Variants in OR1J2 observed in about 807,000 individuals in gnomAD.
The protein encoded by OR1J2 is olfactory receptor 1J2.
For synonymous variants in OR1J2, 142 were observed against 99.7 expected (o/e 1.42, Z -2.52); for missense variants, 304 against 246.1 (o/e 1.24, Z -1.57).
chr9:122,487,021 C>T, the OR1J2 span, among the ~76,000 whole-genome samples: 6 of 151,824 alleles, frequency 4.0e-5, no homozygotes, highest in East Asian at 1.9e-4. Context: ...GTAAATTTCT[C>T]GGGGTCCCAG....
At chr9:122,552,915 C>T in the OR1J2 span, among the ~76,000 whole-genome samples, 1 of 151,954 alleles carries the variant, frequency 6.6e-6, no homozygotes, top group South Asian at 2.1e-4. Flanking sequence ...TCTAAATAGC[C>T]CATGCCAATT....
the OR1J2 span, among the ~76,000 whole-genome samples, chr9:122,530,141 G>A: frequency 6.6e-6 from 1 of 152,168 alleles, no homozygotes; most frequent in Non-Finnish European, 1.5e-5. Flanking sequence ...TCCATGAGAT[G>A]AATAAAGGAC....
At chr9:122,521,805 A>G in the OR1J2 span, among the ~76,000 whole-genome samples, 2 of 152,346 alleles carry the variant, frequency 1.3e-5, no homozygotes, top group East Asian at 3.9e-4. Context: ...TCTGTTGTTC[A>G]GATCCCTGAA....
the OR1J2 span, among the ~76,000 whole-genome samples, chr9:122,499,232 G>T: frequency 6.6e-6 from 1 of 152,234 alleles, no homozygotes; most frequent in African/African-American, 2.4e-5. Flanking sequence ...TGGCCACCAG[G>T]ATCCCAGAGG....
the OR1J2 span, chr9:122,520,114 C>T: frequency 0.47 from 709,147 of 1,499,652 alleles, 172,517 homozygotes; most frequent in African/African-American, 0.72. Context: ...GACATATGTA[C>T]TGACCTATTT....
At chr9:122,528,014 T>G in the OR1J2 span, among the ~76,000 whole-genome samples, 1 of 152,192 alleles carries the variant, frequency 6.6e-6, no homozygotes, top group Non-Finnish European at 1.5e-5. Flanking sequence ...CCAGAGCTCA[T>G]AAATATTTGA....
chr9:122,488,945 G>A, the OR1J2 span, among the ~76,000 whole-genome samples: 1 of 152,024 alleles, frequency 6.6e-6, no homozygotes, highest in Non-Finnish European at 1.5e-5. Flanking sequence ...ATGGTGGTTT[G>A]CTGCACCCAT....
the OR1J2 span, among the ~76,000 whole-genome samples, chr9:122,505,688 T>C: frequency 6.4e-4 from 98 of 152,160 alleles, no homozygotes; most frequent in African/African-American, 2.2e-3. Context: ...CCCTATATAT[T>C]TCACCCCTAA....
chr9:122,523,948 C>A, the OR1J2 span, among the ~76,000 whole-genome samples: 1 of 152,284 alleles, frequency 6.6e-6, no homozygotes, highest in East Asian at 1.9e-4. Flanking sequence ...TTATAAGTCA[C>A]CTGTATGTCA....
rs111736463 is a variant in OR1J2, at chr9:122,511,140, C to T, written c.339C>T (p.Phe113=). 1,208 of 784,346 alleles carry T rather than the reference C, an allele frequency of 1.5e-3. 10 individuals carry two copies. In the African/African-American group the frequency reaches 0.018, roughly 12 times the overall value. 48.6% of individuals were successfully genotyped at this position (784,346 alleles called of 1,614,324 possible). Residue 113 remains phenylalanine, a synonymous_variant, in exon 1 of 1, where the codon TTC becomes TTT. Coordinates refer to ENST00000335302, the MANE Select transcript of OR1J2 (RefSeq NM_054107.1). The part of the protein sequence containing the change: ...FFIFFTDLDS[F]LITSMAYDRY... ...TATTTTTTACTGACCTGGACAGCTT[C>T]CTTATTACATCAATGGCATATGACC...
At chr9:122,521,225 C>G in the OR1J2 span, among the ~76,000 whole-genome samples, 1 of 152,224 alleles carries the variant, frequency 6.6e-6, no homozygotes. Flanking sequence ...TCTCTACCTT[C>G]TCCATCAGAG....
At chr9:122,496,596 G>C in the OR1J2 span, among the ~76,000 whole-genome samples, 1 of 152,266 alleles carries the variant, frequency 6.6e-6, no homozygotes, top group South Asian at 2.1e-4. Flanking sequence ...CTGATGACAC[G>C]TGCCCAAGGT....
At chr9:122,478,011 T>C in the OR1J2 span, 4 of 905,800 alleles carry the variant, frequency 4.4e-6, no homozygotes, top group Admixed American at 5.0e-5. Context: ...TGTGGCATAG[T>C]ATAATAGAGA....
At chr9:122,553,383 C>G in the OR1J2 span, 1 of 1,614,154 alleles carries the variant, frequency 6.2e-7, no homozygotes, top group Non-Finnish European at 8.5e-7. Context: ...TGACCCACAC[C>G]TCCATACTCC....
the OR1J2 span, among the ~76,000 whole-genome samples, chr9:122,502,350 A>G: frequency 6.6e-6 from 1 of 152,170 alleles, no homozygotes; most frequent in Non-Finnish European, 1.5e-5. Context: ...TGCAATTTAT[A>G]CTGCTTCAGT....
chr9:122,562,784 T>G, the OR1J2 span, among the ~76,000 whole-genome samples: 3 of 152,136 alleles, frequency 2.0e-5, no homozygotes, highest in Non-Finnish European at 4.4e-5. Context: ...CTTCTGTGCC[T>G]AGCTTATTTT....
the OR1J2 span, among the ~76,000 whole-genome samples, chr9:122,548,930 C>G: frequency 6.6e-6 from 1 of 151,926 alleles, no homozygotes; most frequent in Admixed American, 6.6e-5. Context: ...TTTGTTTACT[C>G]TGTTGATTAT....
downstream of OR1J2, among the ~76,000 whole-genome samples, chr9:122,516,573 G>A (rs1162781718): frequency 6.6e-6 from 1 of 152,094 alleles, no homozygotes; most frequent in African/African-American, 2.4e-5. Flanking sequence ...AAAGTGCTGG[G>A]ATTACAGGCG....
At chr9:122,489,554 C>T in the OR1J2 span, among the ~76,000 whole-genome samples, 179 of 152,146 alleles carry the variant, frequency 1.2e-3, no homozygotes, top group African/African-American at 4.1e-3. Context: ...GGGCCCTTTG[C>T]GACTGGGCTC....
Sources: gnomAD v4.1 joint callset for allele counts (sites outside exome capture counted in the v4.1 genomes callset) on GRCh38, gnomAD v4.1.1 for gene constraint, MANE v1.5 for transcripts, NCBI Gene and HGNC (gene_info 2026-07-23, HGNC 2026-07-21) for gene names.